The following NXPE2 variants were observed in gnomAD, a reference collection of about 807,000 sequenced individuals.
The protein encoded by NXPE2 is neurexophilin and PC-esterase domain family member 2.
A neutral mutation model predicts 34.4 loss-of-function variants in NXPE2; 34 were observed. The ratio of observed to expected loss-of-function variants is 0.99; its 90% CI spans 0.75 to 1.31. The LOEUF (loss-of-function observed/expected upper bound fraction) is 1.31, where lower values mean the gene tolerates loss of function less well. Among genes scored for constraint, NXPE2 ranks in the 40% most tolerant of loss-of-function variants. The pLI is 0.00. For synonymous variants in NXPE2, 235 were observed against 231.3 expected, an observed-to-expected ratio of 1.02 and a Z score of -0.15; for missense variants, 649 against 672.5, an observed-to-expected ratio of 0.97 and a Z score of 0.39.
chr11:114,631,713 C>T, the NXPE2 span, among the ~76,000 whole-genome samples: 20 of 151,560 alleles, frequency 1.3e-4, no homozygotes, highest in East Asian at 1.9e-4. Flanking sequence ...CACTGTTACC[C>T]GGTGGGTAAT....
At chr11:114,559,636 C>T in the NXPE2 span, among the ~76,000 whole-genome samples, 3 of 151,932 alleles carry the variant, frequency 2.0e-5, no homozygotes, top group South Asian at 4.2e-4. Flanking sequence ...CCCACACTTT[C>T]TTCTGAGCTT....
At chr11:114,642,248 A>T in the NXPE2 span, among the ~76,000 whole-genome samples, 9 of 152,130 alleles carry the variant, frequency 5.9e-5, no homozygotes, top group Admixed American at 2.0e-4. Context: ...AACAATGAGA[A>T]AAACACCAGA....
At chr11:114,641,703 AC>A in the NXPE2 span, among the ~76,000 whole-genome samples, 2 of 152,132 alleles carry the variant, frequency 1.3e-5, no homozygotes, top group African/African-American at 4.8e-5. Flanking sequence ...GAGATGATCA[AC>A]AGAATAAAAC....
upstream of NXPE2, among the ~76,000 whole-genome samples, chr11:114,674,088 TAA>T (rs769286119): frequency 1.1e-4 from 12 of 106,658 alleles, no homozygotes; most frequent in Admixed American, 3.5e-4. Flanking sequence ...GGACATTGTT[TAA>T]AAACAAACAA....
the NXPE2 span, among the ~76,000 whole-genome samples, chr11:114,535,435 T>C: frequency 1.3e-5 from 2 of 152,146 alleles, no homozygotes; most frequent in East Asian, 1.9e-4. Flanking sequence ...ATAACAATAC[T>C]AACCATAAAT....
the NXPE2 span, among the ~76,000 whole-genome samples, chr11:114,566,528 A>G: frequency 4.5e-4 from 69 of 152,362 alleles, no homozygotes; most frequent in African/African-American, 1.6e-3. Flanking sequence ...CACAAAGGCC[A>G]TTAGTACCGC....
the NXPE2 span, among the ~76,000 whole-genome samples, chr11:114,631,407 G>A: frequency 7.3e-5 from 11 of 151,142 alleles, no homozygotes; most frequent in African/African-American, 2.7e-4. Flanking sequence ...ATCATTCTCA[G>A]TAAACTATCG....
chr11:114,773,269 A>AC, the NXPE2 span, among the ~76,000 whole-genome samples: 1 of 46,530 alleles, frequency 2.1e-5, no homozygotes, highest in Non-Finnish European at 4.9e-5. Flanking sequence ...GCCCTACACA[A>AC]CCCACTCCCA....
upstream of NXPE2, among the ~76,000 whole-genome samples, chr11:114,675,946 A>ATGTT (rs1428773208): frequency 6.6e-6 from 1 of 151,982 alleles, no homozygotes; most frequent in Admixed American, 6.6e-5. Flanking sequence ...ATAAATCCAC[A>ATGTT]TGTTTACAGT....
At chr11:114,752,692 G>A in the NXPE2 span, among the ~76,000 whole-genome samples, 718 of 152,262 alleles carry the variant, frequency 4.7e-3, 4 homozygotes, top group African/African-American at 0.016. Flanking sequence ...AACAACTAGA[G>A]GGACAGAGCT....
intron 1 of NXPE2, 82 bp downstream of exon 1, chr11:114,678,683 A>C (rs1365056877): frequency 9.5e-7 from 1 of 1,053,578 alleles, no homozygotes; most frequent in Non-Finnish European, 1.4e-6. Context: ...TGTTTTTCAA[A>C]TGGTGTGATG....
chr11:114,788,254 A>T, the NXPE2 span, among the ~76,000 whole-genome samples: 1 of 152,176 alleles, frequency 6.6e-6, no homozygotes, highest in African/African-American at 2.4e-5. Context: ...AGCTGAGCTT[A>T]TTGCTTGCAG....
At chr11:114,536,283 G>A in the NXPE2 span, among the ~76,000 whole-genome samples, 1 of 151,996 alleles carries the variant, frequency 6.6e-6, no homozygotes, top group African/African-American at 2.4e-5. Flanking sequence ...ATTCAAAGCA[G>A]TGTGTAGAGG....
At chr11:114,660,513 C>G in the NXPE2 span, among the ~76,000 whole-genome samples, 1 of 151,592 alleles carries the variant, frequency 6.6e-6, no homozygotes, top group Non-Finnish European at 1.5e-5. Context: ...GAAGAAAAAC[C>G]CTATGATAAT....
At chr11:114,675,768 C>A (rs1157981494), upstream of NXPE2, among the ~76,000 whole-genome samples, 1 of 151,858 alleles carries the variant, frequency 6.6e-6, no homozygotes, top group East Asian at 1.9e-4. Flanking sequence ...TTACATGGAA[C>A]CACAAAAGAC....
chr11:114,656,500 C>A, the NXPE2 span, among the ~76,000 whole-genome samples: 2 of 152,084 alleles, frequency 1.3e-5, no homozygotes, highest in Non-Finnish European at 1.5e-5. Flanking sequence ...AGGAATCATG[C>A]TCCCTAGATC....
At chr11:114,727,774 AACAC>A in the NXPE2 span, among the ~76,000 whole-genome samples, 200 of 127,636 alleles carry the variant, frequency 1.6e-3, no homozygotes, top group Middle Eastern at 4.0e-3. Context: ...ATGTGTACAC[AACAC>A]ACACACACAC....
chr11:114,577,201 G>A, the NXPE2 span, among the ~76,000 whole-genome samples: 1 of 148,680 alleles, frequency 6.7e-6, no homozygotes. Context: ...CACACACACT[G>A]TGGAATACTA....
At chr11:114,689,379 A>G (rs570552937) in intron 2 of NXPE2, among the ~76,000 whole-genome samples, 10 of 151,836 alleles carry the variant, frequency 6.6e-5, no homozygotes, top group Non-Finnish European at 1.3e-4. Context: ...TAGTTTCCAT[A>G]TATTTGTGTG....
Sources: gnomAD v4.1 joint callset for allele counts (sites outside exome capture counted in the v4.1 genomes callset) on GRCh38, gnomAD v4.1.1 for gene constraint, MANE v1.5 for transcripts, NCBI Gene and HGNC (gene_info 2026-07-23, HGNC 2026-07-21) for gene names.